TRPM2: variants seen among roughly 807,000 people sequenced by gnomAD.
TRPM2 encodes transient receptor potential cation channel subfamily M member 2, also known as estrogen-responsive element-associated gene 1 protein.
A neutral mutation model predicts 174.0 loss-of-function variants in TRPM2; 161 were observed. That is an observed-to-expected ratio of 0.93 (90% CI 0.81 to 1.05). The LOEUF (loss-of-function observed/expected upper bound fraction) is 1.05, where lower values mean the gene tolerates loss of function less well. Ranked by LOEUF, TRPM2 falls within the 50% of genes least tolerant of loss-of-function variation. TRPM2 has a pLI of 0.00. For synonymous variants in TRPM2, 954 were observed against 861.3 expected (o/e 1.11, Z -1.88); for missense variants, 2,057 against 2,038.0 (o/e 1.01, Z -0.18).
Position 44,378,975 on chromosome 21 carries a change from CACA to C in TRPM2, c.1015-21_1015-19del. On this transcript the variant is annotated intron_variant, in intron 7 of 31. Coordinates refer to ENST00000397928, the MANE Select transcript of TRPM2 (RefSeq NM_003307.4). The stretch of plus-strand genomic sequence containing the variant: ...AGCGGTGAGGACCCAGTCCCGGGCT[CACA>C]CCCCCACCTGCCTTGCAGACCATCG... 6.3e-7 allele frequency: 1 copy of C among 1,598,184 alleles called. No homozygotes were observed. The highest frequency in any genetic ancestry group is 8.5e-7 in the Non-Finnish European group (1 of 1,177,298).
intron 27 of TRPM2, among the ~76,000 whole-genome samples, chr21:44,427,980 G>A (rs1358787959): frequency 6.6e-6 from 1 of 152,100 alleles, no homozygotes; most frequent in African/African-American, 2.4e-5. Flanking sequence ...AGAGCAGCAG[G>A]TGCCTGGCAT....
At chr21:44,426,622 G>T (rs187676424) in intron 25 of TRPM2, 38 bp from the exon 26 acceptor site, 16,658 of 1,609,468 alleles carry the variant, frequency 0.01, 119 homozygotes, top group Non-Finnish European at 0.011. Flanking sequence ...TTGCAGTGGG[G>T]GTAAAAATCT....
chr21:44,417,084 C>T (rs535867892), intron 20 of TRPM2, among the ~76,000 whole-genome samples: 188 of 132,220 alleles, frequency 1.4e-3, no homozygotes, highest in African/African-American at 5.4e-3. Context: ...GTGGGCATGG[C>T]TCTGCTCTCT....
Position 44,441,778 on chromosome 21 carries a change from C to T in TRPM2, c.4473C>T (p.Leu1491=). 2 of 1,611,166 alleles carry T rather than the reference C, an allele frequency of 1.2e-6. No individual in the cohort carries two copies. Among genetic ancestry groups the T allele is most frequent in the South Asian group, 2.2e-5 (2 of 90,180 alleles). Residue 1491 remains leucine, a synonymous_variant, in exon 32 of 32, where the codon CTC becomes CTT. Coordinates refer to ENST00000397928, the MANE Select transcript of TRPM2 (RefSeq NM_003307.4). ...RIPLYANHKT[L]LQKAAAEFGA... is the part of the protein sequence containing the mutation. ...CACTCTATGCGAACCACAAGACCCT[C>T]CTCCAGAAGGCAGCCGCTGAGTTCG...
intron 24 of TRPM2, chr21:44,425,157 C>T: frequency 1.8e-6 from 1 of 554,550 alleles, no homozygotes. Context: ...GACCTGGTTC[C>T]TGGACGTCCA....
intron 30 of TRPM2, among the ~76,000 whole-genome samples, chr21:44,440,226 A>G (rs150763952): frequency 9.7e-4 from 144 of 149,018 alleles, no homozygotes; most frequent in African/African-American, 3.3e-3. Flanking sequence ...AATCTCAGCT[A>G]CTTGGGAGGC....
intron 19 of TRPM2, 31 bp downstream of exon 19, chr21:44,406,796 G>A (rs1023599392): frequency 6.4e-7 from 1 of 1,574,178 alleles, no homozygotes; most frequent in Non-Finnish European, 8.6e-7. Context: ...GAGCTCGGGT[G>A]GTGCTGCCGG....
At chr21:44,429,400 G>C (rs2050950759) in intron 27 of TRPM2, among the ~76,000 whole-genome samples, 1 of 141,050 alleles carries the variant, frequency 7.1e-6, no homozygotes, top group African/African-American at 2.7e-5. Context: ...CAATTCTCCT[G>C]CCTCAGCCTC....
chr21:44,434,343 G>A (rs906116324), intron 27 of TRPM2, among the ~76,000 whole-genome samples: 2 of 151,240 alleles, frequency 1.3e-5, no homozygotes, highest in African/African-American at 4.9e-5. Context: ...ACGCTGGCAG[G>A]GATGGTGACG....
At chr21:44,377,953 C>T (rs1482511124) in intron 7 of TRPM2, among the ~76,000 whole-genome samples, 180 bp downstream of exon 7, 3 of 152,184 alleles carry the variant, frequency 2.0e-5, no homozygotes, top group African/African-American at 4.8e-5. Context: ...GGGTGGAGGA[C>T]GGGTCGGAGG....
Position 44,391,414 on chromosome 21 carries a change from C to A in TRPM2, c.1583C>A (p.Pro528His). ...TLLYLYENLDPSCLFHSKLQK... is the reference protein window; with the variant it reads ...TLLYLYENLDHSCLFHSKLQK... ...CTCTACCTGTACGAGAACCTGGACC[C>A]CTCCTGCCTGTTCCACAGCAAGCTG... The change falls in exon 11 of 32, where the codon CCC (proline) becomes CAC (histidine). Residue 528 changes from proline (P) to histidine (H), a missense_variant. Physicochemically the swap from Pro to His is moderately conservative, Grantham distance 77. Coordinates refer to ENST00000397928, the MANE Select transcript of TRPM2 (RefSeq NM_003307.4). This position sits in a 1 kb window ranked among gnomAD's most constrained non-coding sequence, Gnocchi z 5.0. The A allele has an allele frequency of 6.2e-7, 1 of 1,614,106 alleles. No individual in the cohort carries two copies. The highest frequency in any genetic ancestry group is 1.3e-5 in the African/African-American group (1 of 75,068).
At chr21:44,362,060 C>T (rs775294765) in intron 2 of TRPM2, among the ~76,000 whole-genome samples, 30 of 152,102 alleles carry the variant, frequency 2.0e-4, no homozygotes, top group South Asian at 4.1e-4. Context: ...AGGGGTTGCT[C>T]TAGATAGTAT....
chr21:44,397,194 A>T (rs2049455861), intron 12 of TRPM2, among the ~76,000 whole-genome samples: 1 of 151,954 alleles, frequency 6.6e-6, no homozygotes, highest in South Asian at 2.1e-4. Context: ...ATGTGCCACC[A>T]CGCCTGGCTA....
upstream of TRPM2, among the ~76,000 whole-genome samples, chr21:44,350,897 G>A (rs938483917): frequency 6.6e-6 from 1 of 152,162 alleles, no homozygotes; most frequent in African/African-American, 2.4e-5. Flanking sequence ...CCGTCCGCCG[G>A]GACAGCAGGC....
Position 44,441,030 on chromosome 21 carries a change from T to C in TRPM2, c.4386+125T>C. 9.0e-6 allele frequency: 7 copies of C among 778,124 alleles called. No homozygotes were observed. The South Asian group carries it at 1.0e-4, about 12-fold the overall frequency. The allele number at this position is 778,124 out of a possible 1,614,324, so 48.2% of individuals were successfully genotyped here. ...TGGCAGGCTGAACTCTGTATGGGCGTGGCCTCCGGGGAGAGGGAAGGCGGG... is the reference window on the plus strand; with the variant it reads ...TGGCAGGCTGAACTCTGTATGGGCGCGGCCTCCGGGGAGAGGGAAGGCGGG... On this transcript the variant is annotated intron_variant, in intron 31 of 31. Coordinates refer to ENST00000397928, the MANE Select transcript of TRPM2 (RefSeq NM_003307.4).
chr21:44,442,039 C>T lies in TRPM2; in HGVS notation c.*222C>T, dbSNP rs2051527240. ...CGGGAGGAGAGCTCAAGACAGGGCA[C>T]AGGCTACTCAGAGCTGAGGGGCCCC... On this transcript the variant is annotated 3_prime_UTR_variant, in exon 32 of 32. Transcript: ENST00000397928. The T allele has an allele frequency of 1.7e-6, 1 of 602,522 alleles. No homozygotes were observed. 37.3% of individuals were successfully genotyped at this position (602,522 alleles called of 1,614,324 possible).
rs139537654 is a variant in TRPM2 at position 44,400,494 on chromosome 21, C to T, written c.2321+123C>T. 4.5e-5 allele frequency: 38 copies of T among 844,766 alleles called. No individual in the cohort carries two copies. The East Asian group carries it at 1.0e-3, about 23-fold the overall frequency. 52.3% of individuals were successfully genotyped at this position (844,766 alleles called of 1,614,324 possible). ...GCAAGTCATGTGTCCTCAGAATTGT[C>T]CCTGGATCCTGGGGCTGTAGAGATG... On this transcript the variant is annotated intron_variant, in intron 15 of 31. Transcript: ENST00000397928.
chr21:44,383,480 G>A (rs1327109697), intron 9 of TRPM2, among the ~76,000 whole-genome samples: 1 of 152,206 alleles, frequency 6.6e-6, no homozygotes, highest in African/African-American at 2.4e-5. Flanking sequence ...GCTGGGATCA[G>A]CAGGGAACTT....
At chr21:44,374,030 A>G (rs1163648701) in intron 5 of TRPM2, among the ~76,000 whole-genome samples, 2 of 145,518 alleles carry the variant, frequency 1.4e-5, no homozygotes, top group Non-Finnish European at 3.0e-5. Flanking sequence ...TTTTTTTTTG[A>G]GATGGAGCCT....
Sources: gnomAD v4.1 joint callset for allele counts (sites outside exome capture counted in the v4.1 genomes callset) on GRCh38, gnomAD v4.1.1 for gene constraint, Gnocchi (gnomAD v3.1) non-coding constraint, MANE v1.5 for transcripts, NCBI Gene and HGNC (gene_info 2026-07-23, HGNC 2026-07-21) for gene names.